FBXW2: variants seen among roughly 807,000 people sequenced by gnomAD.
FBXW2 encodes the protein F-box and WD repeat domain containing 2.
Under a neutral mutation model 46.0 loss-of-function variants are expected in FBXW2, and 12 were observed. The observed-to-expected ratio is 0.26, with a 90% CI of 0.17 to 0.42. FBXW2 has a LOEUF of 0.42. FBXW2 is among the 10% of genes least tolerant of loss of function. The probability of loss-of-function intolerance (pLI) is 1.00; values close to 1 mark genes in which losing one functional copy is unlikely to be tolerated. For missense variants in FBXW2, 360 were observed against 537.0 expected (o/e 0.67, Z 3.26); for synonymous variants, 203 against 209.6 (o/e 0.97, Z 0.27).
At chr9:120,791,953 C>T (rs1406923500) in intron 2 of FBXW2, among the ~76,000 whole-genome samples, 1 of 152,140 alleles carries the variant, frequency 6.6e-6, no homozygotes, top group Admixed American at 6.5e-5. Flanking sequence ...GGTTTGGTCT[C>T]AGGTTCTGCC....
chr9:120,772,702 A>T, intron 6 of FBXW2, 52 bp downstream of exon 6: 1 of 1,238,122 alleles, frequency 8.1e-7, no homozygotes, highest in Non-Finnish European at 1.1e-6. Context: ...TCATTTTCTT[A>T]TGTTTTCCAG....
intron 5 of FBXW2, among the ~76,000 whole-genome samples, chr9:120,775,490 A>G (rs2044473070): frequency 6.6e-6 from 1 of 152,064 alleles, no homozygotes; most frequent in Non-Finnish European, 1.5e-5. Flanking sequence ...TATTTTGCTT[A>G]CTCCTGTTTT....
At chr9:120,788,872 G>A (rs1450759033) in intron 2 of FBXW2, among the ~76,000 whole-genome samples, 1 of 152,190 alleles carries the variant, frequency 6.6e-6, no homozygotes, top group Admixed American at 6.5e-5. Flanking sequence ...AAAAGCAGGT[G>A]TGGTAAGTTA....
At chr9:120,785,607 G>A (rs1487332984) in intron 3 of FBXW2, among the ~76,000 whole-genome samples, 1 of 152,156 alleles carries the variant, frequency 6.6e-6, no homozygotes, top group Non-Finnish European at 1.5e-5. Context: ...ACGGTCTTGA[G>A]AAATGATACA....
intron 6 of FBXW2, among the ~76,000 whole-genome samples, chr9:120,772,060 G>GAA (rs59520792): frequency 0.018 from 892 of 48,654 alleles, 19 homozygotes; most frequent in African/African-American, 0.024. Flanking sequence ...CCCTGTCTCA[G>GAA]AAAAAAAAAA....
Position 120,759,539 on chromosome 9 carries a change from T to C in FBXW2, c.*5020A>G, listed in dbSNP as rs1157811134. ...GTTGATTACTTTTTCCACATTGCTA[T>C]AGATGTTGGATTGCTGACAGAACTA... On this transcript the variant is annotated 3_prime_UTR_variant, in exon 8 of 8. Coordinates refer to ENST00000608872, the MANE Select transcript of FBXW2 (RefSeq NM_012164.4). 2 of 152,208 alleles carry C rather than the reference T, an allele frequency of 1.3e-5. No homozygotes were observed. Among genetic ancestry groups the C allele is most frequent in the African/African-American group, 2.4e-5 (1 of 41,446 alleles). The allele number at this position is 152,208 out of a possible 1,614,324, so 9.4% of individuals were successfully genotyped here. A position where few individuals can be genotyped will look rare whatever the true frequency, so the allele number is the denominator to read the frequency against.
Position 120,764,158 on chromosome 9 carries a change from A to G in FBXW2, c.*401T>C, listed in dbSNP as rs2044234183. 1 of 379,208 alleles carries G rather than the reference A, an allele frequency of 2.6e-6. No homozygotes were observed. The highest frequency in any genetic ancestry group is 2.1e-5 in the African/African-American group (1 of 48,194). The allele number at this position is 379,208 out of a possible 1,614,324, so 23.5% of individuals were successfully genotyped here. A position where few individuals can be genotyped will look rare whatever the true frequency, so the allele number is the denominator to read the frequency against. On this transcript the variant is annotated 3_prime_UTR_variant, in exon 8 of 8. Transcript: ENST00000608872. Reference sequence around the variant, plus strand: ...TCATAGCACCTTTGCTTCAACTTCAAAAGAAAAAAAGGCTATGGTAAAAAG... The same window carrying G: ...TCATAGCACCTTTGCTTCAACTTCAGAAGAAAAAAAGGCTATGGTAAAAAG...
chr9:120,758,522 C>G lies in FBXW2; in HGVS notation c.*6037G>C, dbSNP rs1365283677. 6.6e-6 allele frequency: 1 copy of G among 152,162 alleles called. No individual in the cohort carries two copies. Among genetic ancestry groups the G allele is most frequent in the Non-Finnish European group, 1.5e-5 (1 of 68,056 alleles). The allele number at this position is 152,162 out of a possible 1,614,324, so 9.4% of individuals were successfully genotyped here. On this transcript the variant is annotated 3_prime_UTR_variant, in exon 8 of 8. Coordinates refer to ENST00000608872, the MANE Select transcript of FBXW2 (RefSeq NM_012164.4). ...AGCATAAGACAGGTTGAACAGTGCA[C>G]ACAAGTGGTGAAGGCAGAAGGCAGC...
At chr9:120,766,783 A>G (rs1329140612) in intron 7 of FBXW2, among the ~76,000 whole-genome samples, 1 of 152,180 alleles carries the variant, frequency 6.6e-6, no homozygotes, top group African/African-American at 2.4e-5. Flanking sequence ...CTCATAATGC[A>G]GTTAGGTAGA....
chr9:120,764,150 C>A lies in FBXW2; in HGVS notation c.*409G>T, dbSNP rs910721838. ...TAACAACATCATAGCACCTTTGCTT[C>A]AACTTCAAAAGAAAAAAAGGCTATG... On this transcript the variant is annotated 3_prime_UTR_variant, in exon 8 of 8. Transcript: ENST00000608872. The A allele has an allele frequency of 1.2e-4, 44 of 370,160 alleles. No individual in the cohort carries two copies. Among genetic ancestry groups the A allele is most frequent in the Admixed American group, 2.2e-4 (5 of 22,264 alleles). 22.9% of individuals were successfully genotyped at this position (370,160 alleles called of 1,614,324 possible).
intron 2 of FBXW2, chr9:120,792,808 G>T: frequency 1.6e-6 from 2 of 1,219,570 alleles, no homozygotes; most frequent in Non-Finnish European, 1.1e-6. Context: ...TAAGCCTACA[G>T]TAAATGTCAG....
At chr9:120,779,253 T>C (rs1438654250) in intron 3 of FBXW2, among the ~76,000 whole-genome samples, 1 of 152,252 alleles carries the variant, frequency 6.6e-6, no homozygotes, top group Non-Finnish European at 1.5e-5. Flanking sequence ...ATTCAGGACT[T>C]TGCTTTAAGT....
chr9:120,783,767 T>C (rs2044664422), intron 3 of FBXW2, among the ~76,000 whole-genome samples: 1 of 152,202 alleles, frequency 6.6e-6, no homozygotes. Flanking sequence ...AAATATCTAC[T>C]GAACAGCACA....
intron 2 of FBXW2, 47 bp downstream of exon 2, chr9:120,793,102 G>C (rs2044887444): frequency 1.4e-6 from 1 of 739,076 alleles, no homozygotes; most frequent in Admixed American, 2.2e-5. Flanking sequence ...CCCATTCGTT[G>C]CTCCCAGGTC....
intron 6 of FBXW2, among the ~76,000 whole-genome samples, chr9:120,772,523 G>C (rs1359699023): frequency 6.6e-6 from 1 of 151,906 alleles, no homozygotes; most frequent in Admixed American, 6.6e-5. Flanking sequence ...TTAAGAATAA[G>C]CTGAACATAA....
intron 7 of FBXW2, 124 bp from the exon 8 acceptor site, chr9:120,764,971 T>C: frequency 1.2e-6 from 1 of 828,468 alleles, no homozygotes; most frequent in Non-Finnish European, 1.8e-6. Context: ...GTTAAATGTT[T>C]TTGATAAAAA....
intron 3 of FBXW2, among the ~76,000 whole-genome samples, chr9:120,785,567 C>G (rs907576508): frequency 1.4e-4 from 22 of 152,130 alleles, no homozygotes; most frequent in African/African-American, 4.1e-4. Flanking sequence ...ATAATACATA[C>G]CCTTAATGAA....
At chr9:120,784,579 A>C (rs1350303459) in intron 3 of FBXW2, among the ~76,000 whole-genome samples, 1 of 151,170 alleles carries the variant, frequency 6.6e-6, no homozygotes, top group African/African-American at 2.4e-5. Context: ...ACATCATTGC[A>C]CTCCAGGATG....
rs1193612941 is a variant in FBXW2, at chr9:120,764,738, TCTCTGTC to T, written c.1179_1185del (p.Thr394AlafsTer2). 1.9e-6 allele frequency: 3 copies of T among 1,614,170 alleles called. No individual in the cohort carries two copies. The highest frequency in any genetic ancestry group is 2.5e-6 in the Non-Finnish European group (3 of 1,180,030). On this transcript the variant is annotated frameshift_variant, in exon 8 of 8. Coordinates refer to ENST00000608872, the MANE Select transcript of FBXW2 (RefSeq NM_012164.4). LOFTEE classifies it high-confidence loss of function. The stretch of plus-strand genomic sequence containing the variant: ...GGCAGAGGCCAGCGACTAATCAGGC[TCTCTGTC>T]CGCAAGTCCATGATGTACAGGTAGC...
Sources: allele counts gnomAD v4.1 joint callset (sites outside exome capture counted in the v4.1 genomes callset), GRCh38; gene constraint gnomAD v4.1.1; transcripts MANE v1.5; gene names NCBI Gene and HGNC (gene_info 2026-07-23, HGNC 2026-07-21).